Variants in TMEM65 observed in about 807,000 individuals in gnomAD.
The protein encoded by TMEM65 is transmembrane protein 65.
TMEM65 carries 22 observed loss-of-function variants against 25.4 expected under a neutral mutation model. The ratio of observed to expected loss-of-function variants is 0.86; its 90% CI spans 0.62 to 1.23. The LOEUF (loss-of-function observed/expected upper bound fraction) is 1.23, where lower values mean the gene tolerates loss of function less well. TMEM65 is among the 50% of genes most tolerant of loss of function. TMEM65 has a pLI of 0.00. For synonymous variants in TMEM65, 132 were observed against 126.2 expected, an observed-to-expected ratio of 1.05 and a Z score of -0.31; for missense variants, 262 against 308.2, an observed-to-expected ratio of 0.85 and a Z score of 1.12.
At chr8:124,336,497 A>G (rs1814508044) in intron 1 of TMEM65, among the ~76,000 whole-genome samples, 2 of 152,044 alleles carry the variant, frequency 1.3e-5, no homozygotes, top group South Asian at 2.1e-4. Flanking sequence ...AATCATAAAT[A>G]TGTTCTCTGA....
intron 1 of TMEM65, among the ~76,000 whole-genome samples, chr8:124,366,278 A>C (rs183998625): frequency 1.3e-5 from 2 of 152,334 alleles, no homozygotes; most frequent in South Asian, 4.1e-4. Context: ...GCCCCCTTGG[A>C]ACATTTTCTC....
intron 1 of TMEM65, among the ~76,000 whole-genome samples, chr8:124,360,168 C>T (rs562443742): frequency 5.3e-5 from 8 of 152,108 alleles, no homozygotes; most frequent in Non-Finnish European, 8.8e-5. Context: ...CAGTGGCACA[C>T]GCCTGTAATC....
At position 124,313,391 on chromosome 8, in the gene TMEM65, TATACTTAAA is replaced by T. The variant is rs1814190996; in HGVS notation, c.*560_*568del. ...AGTCAGAAAATTAAAATAAGTAATATATACTTAAAATACTTAAAACCTGTATCTATATCC... is the reference window on the plus strand; with the variant it reads ...AGTCAGAAAATTAAAATAAGTAATATATACTTAAAACCTGTATCTATATCC... On this transcript the variant is annotated 3_prime_UTR_variant, in exon 7 of 7. Coordinates refer to ENST00000297632, the MANE Select transcript of TMEM65 (RefSeq NM_194291.3). 1.3e-5 allele frequency: 2 copies of T among 151,962 alleles called. No homozygotes were observed. Among genetic ancestry groups the T allele is most frequent in the African/African-American group, 4.8e-5 (2 of 41,424 alleles). 9.4% of individuals were successfully genotyped at this position (151,962 alleles called of 1,614,324 possible).
chr8:124,332,356 A>T (rs1814442608), intron 1 of TMEM65, among the ~76,000 whole-genome samples: 3 of 152,136 alleles, frequency 2.0e-5, no homozygotes, highest in Admixed American at 2.0e-4. Flanking sequence ...ACATCTTGAA[A>T]TACCTAAAAA....
At position 124,320,349 on chromosome 8, in the gene TMEM65, A is replaced by C. The variant is rs189794482; in HGVS notation, c.516-158T>G. ...TAAACTAATTACTACAAGGAGAAACAAGATAATTTTACATTTGCACTTGTA... is the reference window on the plus strand; with the variant it reads ...TAAACTAATTACTACAAGGAGAAACCAGATAATTTTACATTTGCACTTGTA... On this transcript the variant is annotated intron_variant, in intron 5 of 6. Transcript: ENST00000297632. 2.1e-3 allele frequency among the ~76,000 whole-genome samples: 313 copies of C among 152,348 alleles called. 3 individuals carry two copies. Among genetic ancestry groups the C allele is most frequent in the African/African-American group, 7.1e-3 (295 of 41,590 alleles).
In TMEM65 at chr8:124,337,100, AATTT is replaced by A. The variant is rs761010126; in HGVS notation, c.305-6312_305-6309del. Among the ~76,000 whole-genome samples, 40 of 151,922 alleles carry A rather than the reference AATTT, an allele frequency of 2.6e-4. 1 individual carries two copies. The South Asian group carries it at 4.1e-3, about 16-fold the overall frequency. On this transcript the variant is annotated intron_variant, in intron 1 of 6. Transcript: ENST00000297632. ...ACAAAAATCTGACTAGCTCTAACAA[AATTT>A]ATTTGTTACCAAAAAACTTTATATG...
chr8:124,352,475 C>CATAAAATAAAATAAA (rs202063585), intron 1 of TMEM65, among the ~76,000 whole-genome samples: 186 of 127,902 alleles, frequency 1.5e-3, no homozygotes, highest in African/African-American at 4.6e-3. Flanking sequence ...AATTTACTAT[C>CATAAAATAAAATAAA]ATAAAATAAA....
rs58523592 is a variant in TMEM65, at chr8:124,357,058, CT to C, written c.304+14795del. ...CTTCCACCCTTAGCTTCTAGGATAT[CT>C]TTTTTTTTTTTTTCCTGTCTCTCTG... is the stretch of plus-strand genomic sequence containing the variant. On this transcript the variant is annotated intron_variant, in intron 1 of 6. Coordinates refer to ENST00000297632, the MANE Select transcript of TMEM65 (RefSeq NM_194291.3). Among the ~76,000 whole-genome samples, 541 of 148,038 alleles carry C rather than the reference CT, an allele frequency of 3.7e-3. 3 individuals are homozygous for C. The highest frequency in any genetic ancestry group is 0.01 in the Middle Eastern group (3 of 286).
Position 124,326,132 on chromosome 8 carries a change from G to A in TMEM65, c.417+1222C>T, listed in dbSNP as rs1283691077. ...AACAAACTCTCTAAGTCCTAACTGAGAAAAGTTTCTAGTTGTGAAGCACTT... is the reference window on the plus strand; with the variant it reads ...AACAAACTCTCTAAGTCCTAACTGAAAAAAGTTTCTAGTTGTGAAGCACTT... On this transcript the variant is annotated intron_variant, in intron 3 of 6. Coordinates refer to ENST00000297632, the MANE Select transcript of TMEM65 (RefSeq NM_194291.3). Among the ~76,000 whole-genome samples, 3 of 152,094 alleles carry A rather than the reference G, an allele frequency of 2.0e-5. No individual in the cohort carries two copies. The East Asian group carries it at 5.8e-4, about 29-fold the overall frequency.
intron 6 of TMEM65, among the ~76,000 whole-genome samples, 200 bp downstream of exon 6, chr8:124,319,886 T>A (rs1305055838): frequency 6.6e-6 from 1 of 152,156 alleles, no homozygotes; most frequent in Non-Finnish European, 1.5e-5. Context: ...AAATATTTTT[T>A]AAAAATTAAG....
At position 124,370,788 on chromosome 8, in the gene TMEM65, T is replaced by C. The variant is rs530050216; in HGVS notation, c.304+1066A>G. Among the ~76,000 whole-genome samples, 227 of 152,304 alleles carry C rather than the reference T, an allele frequency of 1.5e-3. 1 individual carries two copies. The highest frequency in any genetic ancestry group is 5.3e-3 in the African/African-American group (222 of 41,558). ...AAGTCTGGCAAATCAAATGGCATGATCCGAATCAATGTGCTCTACACTTTG... is the reference window on the plus strand; with the variant it reads ...AAGTCTGGCAAATCAAATGGCATGACCCGAATCAATGTGCTCTACACTTTG... On this transcript the variant is annotated intron_variant, in intron 1 of 6. Coordinates refer to ENST00000297632, the MANE Select transcript of TMEM65 (RefSeq NM_194291.3).
At chr8:124,349,673 A>G (rs968023396) in intron 1 of TMEM65, among the ~76,000 whole-genome samples, 2 of 152,218 alleles carry the variant, frequency 1.3e-5, no homozygotes, top group Non-Finnish European at 2.9e-5. Flanking sequence ...GTTACAAAAA[A>G]TGAGTTCAGG....
At position 124,336,625 on chromosome 8, in the gene TMEM65, G is replaced by C. The variant is rs74767905; in HGVS notation, c.305-5833C>G. On this transcript the variant is annotated intron_variant, in intron 1 of 6. Coordinates refer to ENST00000297632, the MANE Select transcript of TMEM65 (RefSeq NM_194291.3). ...AGGAAATTAGAAAATATTTCAAACTGAGTAACAATGAAAATGCAATATATC... is the reference window on the plus strand; with the variant it reads ...AGGAAATTAGAAAATATTTCAAACTCAGTAACAATGAAAATGCAATATATC... Among the ~76,000 whole-genome samples the C allele has an allele frequency of 8.8e-3, 1,333 of 152,018 alleles. 50 individuals carry two copies. Among genetic ancestry groups the C allele is most frequent in the Admixed American group, 0.065 (990 of 15,268 alleles).
At chr8:124,336,457 T>C (rs187283928) in intron 1 of TMEM65, among the ~76,000 whole-genome samples, 2 of 151,962 alleles carry the variant, frequency 1.3e-5, no homozygotes, top group African/African-American at 4.8e-5. Context: ...CATATGCTGA[T>C]CCACAAAACA....
intron 1 of TMEM65, among the ~76,000 whole-genome samples, chr8:124,344,168 T>C (rs1219413350): frequency 6.6e-6 from 1 of 152,200 alleles, no homozygotes; most frequent in Non-Finnish European, 1.5e-5. Flanking sequence ...GGTAACTCCA[T>C]GTATCAATAA....
At chr8:124,317,900 G>T (rs771652607) in intron 6 of TMEM65, among the ~76,000 whole-genome samples, 3 of 152,152 alleles carry the variant, frequency 2.0e-5, no homozygotes, top group South Asian at 4.1e-4. Context: ...CCGTAGATCG[G>T]GGTGTCCAAT....
intron 1 of TMEM65, among the ~76,000 whole-genome samples, chr8:124,338,804 G>A (rs1286028741): frequency 3.3e-5 from 5 of 152,054 alleles, no homozygotes; most frequent in Non-Finnish European, 7.4e-5. Context: ...AATAAGTTAT[G>A]CTACTGTCAA....
intron 1 of TMEM65, among the ~76,000 whole-genome samples, chr8:124,340,578 T>C (rs1814572725): frequency 6.6e-6 from 1 of 152,142 alleles, no homozygotes; most frequent in South Asian, 2.1e-4. Flanking sequence ...GGTTTACTGG[T>C]GAAATAAACT....
chr8:124,310,195 A>G lies in TMEM65; in HGVS notation c.*3765T>C, dbSNP rs72721439. The G allele has an allele frequency of 0.023, 3,570 of 152,504 alleles. 57 individuals are homozygous for G. The highest frequency in any genetic ancestry group is 0.035 in the Non-Finnish European group (2,413 of 68,230). 9.4% of individuals were successfully genotyped at this position (152,504 alleles called of 1,614,324 possible). On this transcript the variant is annotated 3_prime_UTR_variant, in exon 7 of 7. Transcript: ENST00000297632. ...TTGCTTTTCTGTGTTCTCTTCCCCT[A>G]TTACTACCCACCCCAAAAGAATAAG...
Sources: gnomAD v4.1 joint callset for allele counts (sites outside exome capture counted in the v4.1 genomes callset) on GRCh38, gnomAD v4.1.1 for gene constraint, MANE v1.5 for transcripts, NCBI Gene and HGNC (gene_info 2026-07-23, HGNC 2026-07-21) for gene names.